Variants in TRAPPC9 observed in about 807,000 individuals in gnomAD.
TRAPPC9 encodes trafficking protein particle complex subunit 9.
In TRAPPC9, 83 loss-of-function variants were observed where a neutral mutation model predicts 124.0. That is an observed-to-expected ratio of 0.67 (90% CI 0.56 to 0.80). TRAPPC9 has a LOEUF of 0.80. Among genes scored for constraint, TRAPPC9 ranks in the 30% least tolerant of loss-of-function variants. The pLI, the probability that TRAPPC9 is intolerant of heterozygous loss-of-function variation, is 0.00. For missense variants in TRAPPC9, 1,302 were observed against 1,508.3 expected, an observed-to-expected ratio of 0.86 and a Z score of 2.27; for synonymous variants, 638 against 617.5, an observed-to-expected ratio of 1.03 and a Z score of -0.49.
intron 17 of TRAPPC9, among the ~76,000 whole-genome samples, chr8:140,090,316 C>T (rs1302882247): frequency 1.3e-5 from 2 of 152,106 alleles, no homozygotes; most frequent in African/African-American, 4.8e-5. Context: ...CACTGCCTCC[C>T]GCCCCATGAG....
At chr8:139,840,520 C>T (rs1826655720) in intron 21 of TRAPPC9, among the ~76,000 whole-genome samples, 1 of 152,204 alleles carries the variant, frequency 6.6e-6, no homozygotes, top group African/African-American at 2.4e-5. Context: ...GAGGAAACTG[C>T]ACGACTCAAA....
At chr8:140,278,782 C>T (rs2131674484) in intron 14 of TRAPPC9, among the ~76,000 whole-genome samples, 1 of 152,246 alleles carries the variant, frequency 6.6e-6, no homozygotes, top group East Asian at 1.9e-4. Context: ...CCGCGACTCC[C>T]ATCCTGGAAT....
chr8:139,870,432 G>A (rs1020337358), intron 21 of TRAPPC9, among the ~76,000 whole-genome samples: 24 of 152,206 alleles, frequency 1.6e-4, no homozygotes, highest in African/African-American at 5.1e-4. Context: ...ATATCATACA[G>A]TGCGACTCAC....
In TRAPPC9 at chr8:140,453,463, C is replaced by A. The variant is rs142707864; in HGVS notation, c.-10-2080G>T. Reference sequence around the variant, plus strand: ...TAAGACCTCTGTGAAATTCTAATGGCAAGCTTCTCACCTGCACGGAGAGGA... The same window carrying A: ...TAAGACCTCTGTGAAATTCTAATGGAAAGCTTCTCACCTGCACGGAGAGGA... On this transcript the variant is annotated intron_variant, in intron 1 of 22. Coordinates refer to ENST00000438773, the MANE Select transcript of TRAPPC9 (RefSeq NM_001160372.4). 2.8e-4 allele frequency among the ~76,000 whole-genome samples: 28 copies of A among 98,656 alleles called. No homozygotes were observed. In the East Asian group the frequency reaches 7.0e-3, roughly 25 times the overall value. The allele number at this position is 98,656 out of a possible 152,430, so 64.7% of individuals were successfully genotyped here.
At chr8:139,988,591 C>T (rs1188926818) in intron 19 of TRAPPC9, 135 bp downstream of exon 19, 1 of 684,736 alleles carries the variant, frequency 1.5e-6, no homozygotes, top group Non-Finnish European at 2.6e-6. Context: ...TGAATAGTCA[C>T]TACGGTATCT....
At chr8:139,787,412 C>G (rs559405923) in intron 21 of TRAPPC9, among the ~76,000 whole-genome samples, 1 of 152,066 alleles carries the variant, frequency 6.6e-6, no homozygotes, top group African/African-American at 2.4e-5. Flanking sequence ...AGGATGAGGA[C>G]CTGGGGTTCA....
intron 17 of TRAPPC9, among the ~76,000 whole-genome samples, chr8:140,126,439 C>T (rs1055277593): frequency 4.6e-5 from 7 of 152,110 alleles, no homozygotes; most frequent in African/African-American, 1.7e-4. Context: ...TCTCAAGGAA[C>T]GTCGGTGGAA....
intron 21 of TRAPPC9, among the ~76,000 whole-genome samples, chr8:139,759,991 C>T (rs184044914): frequency 7.9e-5 from 12 of 152,370 alleles, no homozygotes; most frequent in Middle Eastern, 3.4e-3. Context: ...CAAGCCCAGG[C>T]CCCTGCACCA....
chr8:140,447,739 T>C (rs1011651258), intron 2 of TRAPPC9, among the ~76,000 whole-genome samples: 1 of 152,118 alleles, frequency 6.6e-6, no homozygotes, highest in Non-Finnish European at 1.5e-5. Context: ...ATCTGGACAT[T>C]TCCTGTTGAG....
intron 17 of TRAPPC9, among the ~76,000 whole-genome samples, chr8:140,210,897 G>A (rs989998800): frequency 5.3e-5 from 8 of 152,200 alleles, no homozygotes; most frequent in Admixed American, 2.6e-4. Context: ...TTTCCTCGCC[G>A]CTGATGGGAA....
At chr8:139,890,931 G>C (rs1010896831) in intron 20 of TRAPPC9, among the ~76,000 whole-genome samples, 1 of 151,920 alleles carries the variant, frequency 6.6e-6, no homozygotes, top group East Asian at 1.9e-4. Flanking sequence ...CTCAAGAAGG[G>C]ACCGCTGTTC....
chr8:139,900,634 G>A (rs981071566), intron 20 of TRAPPC9, among the ~76,000 whole-genome samples: 4 of 152,034 alleles, frequency 2.6e-5, no homozygotes, highest in Non-Finnish European at 5.9e-5. Context: ...TCCATGTCTT[G>A]GGAACTATGA....
chr8:140,023,593 C>T (rs922259202), intron 18 of TRAPPC9, among the ~76,000 whole-genome samples: 3 of 152,204 alleles, frequency 2.0e-5, no homozygotes, highest in African/African-American at 7.2e-5. Flanking sequence ...ATCCACTGAG[C>T]CCCTGCTAAC....
chr8:139,753,886 G>A (rs1238162344), intron 21 of TRAPPC9, among the ~76,000 whole-genome samples: 2 of 152,200 alleles, frequency 1.3e-5, no homozygotes, highest in African/African-American at 4.8e-5. Flanking sequence ...CCATGGGACA[G>A]CGAGGTGTCT....
At chr8:139,932,071 T>C (rs1833179865) in intron 19 of TRAPPC9, 1 of 342,302 alleles carries the variant, frequency 2.9e-6, no homozygotes, top group Non-Finnish European at 5.8e-6. Context: ...AATAATACAA[T>C]TCAAAAGGAG....
chr8:139,928,318 G>T (rs182851725), intron 19 of TRAPPC9, among the ~76,000 whole-genome samples: 287 of 152,184 alleles, frequency 1.9e-3, no homozygotes, highest in African/African-American at 6.7e-3. Context: ...ATGGCAAAAT[G>T]CCGTCTCTAC....
At chr8:140,153,876 C>T (rs1226987350) in intron 17 of TRAPPC9, among the ~76,000 whole-genome samples, 10 of 152,114 alleles carry the variant, frequency 6.6e-5, no homozygotes, top group Admixed American at 6.5e-4. Context: ...TGTAACATAC[C>T]CCATGCTCTA....
chr8:139,998,057 C>T (rs1179364837), intron 18 of TRAPPC9, among the ~76,000 whole-genome samples: 1 of 151,970 alleles, frequency 6.6e-6, no homozygotes, highest in African/African-American at 2.4e-5. Flanking sequence ...ATGCATCCTA[C>T]ACAGGGAGAC....
Position 140,250,310 on chromosome 8 carries a change from G to A in TRAPPC9, c.2431+2467C>T, listed in dbSNP as rs73364990. Among the ~76,000 whole-genome samples the A allele has an allele frequency of 2.1e-3, 327 of 152,294 alleles. 3 individuals are homozygous for A. Among genetic ancestry groups the A allele is most frequent in the African/African-American group, 7.2e-3 (301 of 41,564 alleles). ...AATTATCTTCCAGCTATCTATGGCC[G>A]ACACTGAATCCAGGATCCCGGTTTG... On this transcript the variant is annotated intron_variant, in intron 16 of 22. Transcript: ENST00000438773.
Sources: gnomAD v4.1 joint callset for allele counts (sites outside exome capture counted in the v4.1 genomes callset) on GRCh38, gnomAD v4.1.1 for gene constraint, MANE v1.5 for transcripts, NCBI Gene and HGNC (gene_info 2026-07-23, HGNC 2026-07-21) for gene names.